Variants in NPHP4 observed in about 807,000 individuals in gnomAD.
NPHP4 encodes nephrocystin-4.
Under a neutral mutation model 155.8 loss-of-function variants are expected in NPHP4, and 151 were observed. The observed-to-expected ratio is 0.97, with a 90% CI of 0.85 to 1.11. NPHP4 has a LOEUF of 1.11. Among genes scored for constraint, NPHP4 ranks in the 50% least tolerant of loss-of-function variants. The pLI is 0.00. For missense variants in NPHP4, 1,956 were observed against 1,925.7 expected (o/e 1.02, Z -0.29); for synonymous variants, 845 against 816.8 (o/e 1.03, Z -0.59).
chr1:5,881,398 C>T (rs1457073689), intron 18 of NPHP4: 1 of 152,290 alleles, frequency 6.6e-6, no homozygotes, highest in African/African-American at 2.4e-5. Context: ...GCCCGTCCTA[C>T]CAAGGGAGCC....
rs1351340686 is a variant in NPHP4, at chr1:5,961,923, T to A, written c.544A>T (p.Asn182Tyr). ...EQNRHMTLIE[N>Y]CSLQYTLKPH... ...TTCAGCGTGTACTGCAGGCTGCAGT[T>A]CTCAATGAGGGTCATGTGTCTGTTT... Residue 182 changes from asparagine to tyrosine, a missense_variant, in exon 6 of 30, where the codon AAC (asparagine) becomes TAC (tyrosine). By Grantham distance (143) the Asn-to-Tyr change is moderately radical. Transcript: ENST00000378156. 6.2e-7 allele frequency: 1 copy of A among 1,608,168 alleles called. No individual in the cohort carries two copies. Among genetic ancestry groups the A allele is most frequent in the African/African-American group, 1.3e-5 (1 of 74,820 alleles).
intron 17 of NPHP4, chr1:5,888,324 T>C: frequency 9.5e-7 from 1 of 1,047,476 alleles, no homozygotes; most frequent in Non-Finnish European, 1.2e-6. Context: ...TGGGACACTC[T>C]TCCCCCGTGC....
intron 5 of NPHP4, among the ~76,000 whole-genome samples, chr1:5,966,379 G>A (rs1651503413): frequency 6.6e-6 from 1 of 152,058 alleles, no homozygotes; most frequent in Admixed American, 6.6e-5. Context: ...CTGAGTAGCT[G>A]GAACTACAGG....
intron 17 of NPHP4, chr1:5,888,478 G>C (rs1316155366): frequency 1.6e-6 from 2 of 1,245,742 alleles, no homozygotes; most frequent in Admixed American, 5.3e-5. Context: ...TCCCTTGTGG[G>C]TCTGGGGGCT....
At position 5,863,904 on chromosome 1, in the gene NPHP4, C is replaced by T; in HGVS notation, c.4126G>A (p.Glu1376Lys). 6.2e-7 allele frequency: 1 copy of T among 1,613,934 alleles called. No homozygotes were observed. Among genetic ancestry groups the T allele is most frequent in the Non-Finnish European group, 8.5e-7 (1 of 1,179,876 alleles). Residue 1376 changes from glutamate (E) to lysine (K), a missense_variant, in exon 29 of 30, where the codon GAG (glutamate) becomes AAG (lysine). Physicochemically the swap from Glu to Lys is moderately conservative, Grantham distance 56 (BLOSUM62 1). Transcript: ENST00000378156. The part of the protein sequence containing the change: ...SDHPELLRFR[E>K]DSFQVGGGET... ...CCCCACCACACCTGGAAGGAGTCCT[C>T]TCTGAACCGCAGCAGCTCCGGGTGG...
At chr1:5,874,331 C>T in intron 22 of NPHP4, 140 bp downstream of exon 22, 1 of 794,392 alleles carries the variant, frequency 1.3e-6, no homozygotes, top group Non-Finnish European at 1.9e-6. Flanking sequence ...TCTTGTTGAG[C>T]ACCAAGGGGA....
At chr1:5,949,591 CG>C (rs1201290701) in intron 7 of NPHP4, among the ~76,000 whole-genome samples, 1 of 151,988 alleles carries the variant, frequency 6.6e-6, no homozygotes, top group Non-Finnish European at 1.5e-5. Context: ...GGGAGGAACG[CG>C]GGGTGACAGC....
chr1:5,909,125 A>C, intron 12 of NPHP4, 27 bp downstream of exon 12: 1 of 1,558,248 alleles, frequency 6.4e-7, no homozygotes, highest in South Asian at 1.2e-5. Context: ...GGAATTCTGA[A>C]GGAGGCCGTG....
chr1:5,988,940 T>G (rs1299036623), intron 1 of NPHP4, among the ~76,000 whole-genome samples: 2 of 152,198 alleles, frequency 1.3e-5, no homozygotes, highest in Non-Finnish European at 2.9e-5. Context: ...CCTGTGTGAA[T>G]CCAGCAGGCA....
rs1004856250 is a variant in NPHP4, at chr1:5,862,993, T to C, written c.*272A>G. The C allele has an allele frequency of 1.2e-5, 6 of 515,030 alleles. No homozygotes were observed. The highest frequency in any genetic ancestry group is 2.1e-5 in the Non-Finnish European group (6 of 285,940). 31.9% of individuals were successfully genotyped at this position (515,030 alleles called of 1,614,324 possible). A position where few individuals can be genotyped will look rare whatever the true frequency, so the allele number is the denominator to read the frequency against. ...CAACAGCGATAACGAGGGTCCCACA[T>C]GCGTAGATGGCAGCACCAGAGCCAG... On this transcript the variant is annotated 3_prime_UTR_variant, in exon 30 of 30. Coordinates refer to ENST00000378156, the MANE Select transcript of NPHP4 (RefSeq NM_015102.5).
intron 2 of NPHP4, among the ~76,000 whole-genome samples, chr1:5,981,929 T>C (rs1023311649): frequency 6.6e-6 from 1 of 152,220 alleles, no homozygotes; most frequent in African/African-American, 2.4e-5. Flanking sequence ...ATCAGAATTA[T>C]GGTGGCCTCA....
chr1:5,865,528 G>T, intron 26 of NPHP4: 1 of 430,320 alleles, frequency 2.3e-6, no homozygotes. Flanking sequence ...GGCTCTCAGG[G>T]CGCAGCAGGG....
Position 5,874,965 on chromosome 1 carries a change from G to C in NPHP4, c.2953C>G (p.Leu985Val), listed in dbSNP as rs774521957. 2 of 1,613,280 alleles carry C rather than the reference G, an allele frequency of 1.2e-6. No homozygotes were observed. Among genetic ancestry groups the C allele is most frequent in the Non-Finnish European group, 1.7e-6 (2 of 1,179,880 alleles). The stretch of plus-strand genomic sequence containing the variant: ...AACTCAAAGAACTCGGCGACCCCCA[G>C]CGTGGCGTGGAGCGTGTGCTCCGTG... ...ITTEHTLHAT[L>V]GVAEFFEFVL... is the part of the protein sequence containing the mutation. Residue 985 changes from leucine to valine, a missense_variant, in exon 21 of 30, where the codon CTG becomes GTG. Transcript: ENST00000378156.
chr1:5,941,432 T>C (rs1447928176), intron 9 of NPHP4, among the ~76,000 whole-genome samples: 1 of 151,756 alleles, frequency 6.6e-6, no homozygotes, highest in Non-Finnish European at 1.5e-5. Flanking sequence ...AGAACTTATA[T>C]ATCTGACTAC....
chr1:5,888,855 C>A (rs1557660775), intron 17 of NPHP4, among the ~76,000 whole-genome samples: 1 of 152,166 alleles, frequency 6.6e-6, no homozygotes, highest in Non-Finnish European at 1.5e-5. Flanking sequence ...TGCCTGCGGC[C>A]CTCACGGTGG....
At chr1:5,926,939 G>A (rs139897549) in intron 11 of NPHP4, among the ~76,000 whole-genome samples, 88 of 152,284 alleles carry the variant, frequency 5.8e-4, no homozygotes, top group Non-Finnish European at 1.1e-3. Context: ...AGCTCCAGAC[G>A]CCTAGAGCCA....
At chr1:5,903,229 C>T (rs1644758895) in intron 16 of NPHP4, among the ~76,000 whole-genome samples, 1 of 152,166 alleles carries the variant, frequency 6.6e-6, no homozygotes, top group African/African-American at 2.4e-5. Flanking sequence ...CTTATAAGTC[C>T]ATCAAGTTCT....
chr1:5,989,771 C>T (rs1448297827), intron 1 of NPHP4, among the ~76,000 whole-genome samples: 4 of 152,212 alleles, frequency 2.6e-5, no homozygotes, highest in African/African-American at 9.7e-5. Flanking sequence ...GCCTCCTGCC[C>T]TCTCCCTGGG....
rs61762129 is a variant in NPHP4, at chr1:5,961,644, T to C, written c.673+150A>G. On this transcript the variant is annotated intron_variant, in intron 6 of 29. Coordinates refer to ENST00000378156, the MANE Select transcript of NPHP4 (RefSeq NM_015102.5). ...ACTGCCATTCCATCCTCCTCCACTG[T>C]CCCCCACAACCCCCGCCAGGCCGTG... The C allele has an allele frequency of 0.14, 90,326 of 657,126 alleles. 6,818 individuals carry two copies. The highest frequency in any genetic ancestry group is 0.2 in the African/African-American group (11,376 of 55,548). 40.7% of individuals were successfully genotyped at this position (657,126 alleles called of 1,614,324 possible).
Sources: gnomAD v4.1 joint callset for allele counts (sites outside exome capture counted in the v4.1 genomes callset) on GRCh38, gnomAD v4.1.1 for gene constraint, MANE v1.5 for transcripts, NCBI Gene and HGNC (gene_info 2026-07-23, HGNC 2026-07-21) for gene names.